ITGAE: variants seen among roughly 807,000 people sequenced by gnomAD.
The protein encoded by ITGAE is integrin subunit alpha E.
A neutral mutation model predicts 136.5 loss-of-function variants in ITGAE; 99 were observed. The observed-to-expected ratio is 0.73, with a 90% CI of 0.62 to 0.86. The LOEUF is 0.86. Among genes scored for constraint, ITGAE ranks in the 40% least tolerant of loss-of-function variants. The pLI, the probability that ITGAE is intolerant of heterozygous loss-of-function variation, is 0.00. For synonymous variants in ITGAE, 613 were observed against 591.8 expected, an observed-to-expected ratio of 1.04 and a Z score of -0.52; for missense variants, 1,447 against 1,515.3, an observed-to-expected ratio of 0.95 and a Z score of 0.75.
intron 1 of ITGAE, among the ~76,000 whole-genome samples, chr17:3,793,275 A>G (rs2052985052): frequency 6.6e-6 from 1 of 152,042 alleles, no homozygotes; most frequent in African/African-American, 2.4e-5. Flanking sequence ...GCTGGTCTCC[A>G]TCTCCTGACG....
chr17:3,766,201 T>C (rs2052294275), intron 2 of ITGAE, among the ~76,000 whole-genome samples: 1 of 152,098 alleles, frequency 6.6e-6, no homozygotes, highest in Admixed American at 6.5e-5. Flanking sequence ...CTGCAGGGAA[T>C]GCTGGGAGCC....
chr17:3,801,054 A>T (rs2053247309), intron 1 of ITGAE, 57 bp downstream of exon 1: 6 of 1,592,428 alleles, frequency 3.8e-6, no homozygotes, highest in South Asian at 1.1e-5. Flanking sequence ...GTCTGCAGAC[A>T]CCTGGCTGGA....
chr17:3,729,408 CGA>C (rs1313324646), intron 24 of ITGAE, 68 bp downstream of exon 24: 6 of 944,048 alleles, frequency 6.4e-6, no homozygotes, highest in Admixed American at 1.7e-5. Flanking sequence ...GCTCCATCTA[CGA>C]GAGAGAGCCC....
rs552415152 is a variant in ITGAE at position 3,799,509 on chromosome 17, T to A, written c.34+1602A>T. ...AAAGGAGACAGATGAGCCACAGGAG[T>A]ATTCTGGAGCTGGGAGGCAGGACAG... is the stretch of plus-strand genomic sequence containing the variant. On this transcript the variant is annotated intron_variant, in intron 1 of 30. Coordinates refer to ENST00000263087, the MANE Select transcript of ITGAE (RefSeq NM_002208.5). The surrounding 1 kb of genome is among the most constrained non-coding windows in gnomAD (Gnocchi z 4.1). Among the ~76,000 whole-genome samples, 1 of 151,994 alleles carries A rather than the reference T, an allele frequency of 6.6e-6. No individual in the cohort carries two copies. The highest frequency in any genetic ancestry group is 1.5e-5 in the Non-Finnish European group (1 of 67,982).
chr17:3,787,185 C>A (rs2052820620), intron 1 of ITGAE, among the ~76,000 whole-genome samples: 1 of 149,470 alleles, frequency 6.7e-6, no homozygotes, highest in Non-Finnish European at 1.5e-5. Flanking sequence ...GATCTCGGCT[C>A]ACTACAACCT....
At chr17:3,725,856 G>A (rs1375841218) in intron 26 of ITGAE, 1 of 1,602,466 alleles carries the variant, frequency 6.2e-7, no homozygotes, top group Non-Finnish European at 8.5e-7. Flanking sequence ...AGTGGCAGAG[G>A]CATCACTGCG....
chr17:3,727,491 C>T (rs1197391248), intron 26 of ITGAE, among the ~76,000 whole-genome samples: 1 of 151,924 alleles, frequency 6.6e-6, no homozygotes, highest in Admixed American at 6.6e-5. Context: ...GCTCCGCCTC[C>T]CGGGCTCACA....
At chr17:3,723,556 G>T in intron 27 of ITGAE, 132 bp downstream of exon 27, 3 of 1,083,984 alleles carry the variant, frequency 2.8e-6, no homozygotes, top group South Asian at 1.5e-5. Flanking sequence ...ACCCAGGGAC[G>T]AAGCTAGGGA....
At position 3,795,374 on chromosome 17, in the gene ITGAE, T is replaced by TCACGC. The variant is rs1377270479; in HGVS notation, c.34+5732_34+5736dup. ...AGAGTGGGCCAGATATTCCCTTTCC[T>TCACGC]CACGCCACCCCACCCCTGTGTTCAC... On this transcript the variant is annotated intron_variant, in intron 1 of 30. Transcript: ENST00000263087. 2.0e-5 allele frequency among the ~76,000 whole-genome samples: 3 copies of TCACGC among 152,278 alleles called. No homozygotes were observed. In the East Asian group the frequency reaches 5.8e-4, roughly 29 times the overall value.
intron 2 of ITGAE, among the ~76,000 whole-genome samples, chr17:3,772,989 A>AG (rs1392902975): frequency 6.6e-6 from 1 of 152,120 alleles, no homozygotes; most frequent in Non-Finnish European, 1.5e-5. Context: ...CTCCACCTGG[A>AG]GGTAGCATCA....
At chr17:3,795,790 T>C (rs1163909888) in intron 1 of ITGAE, among the ~76,000 whole-genome samples, 2 of 152,072 alleles carry the variant, frequency 1.3e-5, no homozygotes, top group African/African-American at 2.4e-5. Context: ...TGCATGTGTG[T>C]GCATCCGTGT....
At chr17:3,748,464 G>C (rs544997925) in intron 16 of ITGAE, among the ~76,000 whole-genome samples, 10 of 152,240 alleles carry the variant, frequency 6.6e-5, no homozygotes, top group Non-Finnish European at 1.3e-4. Context: ...GCGGGCGCCT[G>C]TAATCCCACC....
At chr17:3,777,810 G>T in intron 1 of ITGAE, 150 bp from the exon 2 acceptor site, 1 of 944,386 alleles carries the variant, frequency 1.1e-6, no homozygotes, top group Non-Finnish European at 1.5e-6. Context: ...AAGACTAGAC[G>T]CAGGTGTATC....
intron 2 of ITGAE, among the ~76,000 whole-genome samples, chr17:3,764,817 C>A (rs2052255884): frequency 6.6e-6 from 1 of 152,220 alleles, no homozygotes; most frequent in African/African-American, 2.4e-5. Flanking sequence ...CAGGCCCAGT[C>A]CAGGGAGACG....
rs113147313 is a variant in ITGAE at position 3,766,151 on chromosome 17, A to G, written c.156-2191T>C. 9.1e-3 allele frequency among the ~76,000 whole-genome samples: 1,383 copies of G among 152,196 alleles called. 27 individuals carry two copies. Among genetic ancestry groups the G allele is most frequent in the African/African-American group, 0.03 (1,239 of 41,538 alleles). On this transcript the variant is annotated intron_variant, in intron 2 of 30. Coordinates refer to ENST00000263087, the MANE Select transcript of ITGAE (RefSeq NM_002208.5). ...TGGCATGGGCGAGCCGCAGGGACTC[A>G]GGGGGACGTTGAGGCAGGCAGAGGG...
At chr17:3,783,202 G>A (rs771186078) in intron 1 of ITGAE, among the ~76,000 whole-genome samples, 7 of 152,072 alleles carry the variant, frequency 4.6e-5, no homozygotes, top group Admixed American at 1.3e-4. Context: ...GTGCGGTGGC[G>A]CGATCTTGGC....
chr17:3,755,964 C>T (rs2052011526), intron 10 of ITGAE, 67 bp from the exon 11 acceptor site: 5 of 1,484,764 alleles, frequency 3.4e-6, no homozygotes, highest in Non-Finnish European at 4.6e-6. Context: ...AGTCAGGGGA[C>T]AGTCCAGCTT....
At position 3,763,865 on chromosome 17, in the gene ITGAE, T is replaced by C. The variant is rs772983898; in HGVS notation, c.247+4A>G. On this transcript the variant is annotated splice_donor_region_variant and intron_variant, in intron 3 of 30. Coordinates refer to ENST00000263087, the MANE Select transcript of ITGAE (RefSeq NM_002208.5). ...AGCATTCCCTGGAGTTGGGGCTGAC[T>C]TACCTACAGGATGGCAAAGGATTTC... The C allele has an allele frequency of 8.7e-6, 14 of 1,611,868 alleles. No individual in the cohort carries two copies. Among genetic ancestry groups the C allele is most frequent in the Non-Finnish European group, 1.2e-5 (14 of 1,178,222 alleles).
intron 1 of ITGAE, among the ~76,000 whole-genome samples, chr17:3,789,528 TC>T (rs2052887342): frequency 6.8e-6 from 1 of 146,608 alleles, no homozygotes; most frequent in African/African-American, 2.5e-5. Flanking sequence ...TGAGATGGAG[TC>T]TCGCTCTGTC....
Sources: gnomAD v4.1 joint callset for allele counts (sites outside exome capture counted in the v4.1 genomes callset) on GRCh38, gnomAD v4.1.1 for gene constraint, Gnocchi (gnomAD v3.1) non-coding constraint, MANE v1.5 for transcripts, NCBI Gene and HGNC (gene_info 2026-07-23, HGNC 2026-07-21) for gene names.